REXO1: variants seen among roughly 807,000 people sequenced by gnomAD.
REXO1 encodes REX1, RNA exonuclease 1 homolog.
A neutral mutation model predicts 102.6 loss-of-function variants in REXO1; 42 were observed. The observed-to-expected ratio is 0.41, with a 90% CI of 0.32 to 0.53. The LOEUF is 0.53. REXO1 is among the 20% of genes least tolerant of loss of function. REXO1 has a pLI of 0.27. For synonymous variants in REXO1, 908 were observed against 779.1 expected (o/e 1.17, Z -2.76); for missense variants, 1,819 against 1,732.5 (o/e 1.05, Z -0.89).
rs1428517453 is a variant in REXO1, at chr19:1,815,873, G to C, written c.*193C>G. On this transcript the variant is annotated 3_prime_UTR_variant, in exon 16 of 16. Transcript: ENST00000170168. The surrounding 1 kb of genome is among the most constrained non-coding windows in gnomAD (Gnocchi z 4.0). ...GCTGGGGGGCAGAGGGTGGGGACCG[G>C]CGGAGGGGTGCGGCAGGACGTGAGC... 1.3e-6 allele frequency: 2 copies of C among 1,525,190 alleles called. No homozygotes were observed. The highest frequency in any genetic ancestry group is 2.8e-5 in the African/African-American group (2 of 72,634). The allele number at this position is 1,525,190 out of a possible 1,614,324, so 94.5% of individuals were successfully genotyped here.
rs1353368306 is a variant in REXO1 at position 1,816,031 on chromosome 19, G to A, written c.*35C>T. On this transcript the variant is annotated 3_prime_UTR_variant, in exon 16 of 16. Transcript: ENST00000170168. ...GAGGCATGGGGCTAAGGACCAGCGG[G>A]ACGGCAGGAGAGGCGGGTGGGAGGC... The A allele has an allele frequency of 6.5e-7, 1 of 1,540,876 alleles. No individual in the cohort carries two copies. The highest frequency in any genetic ancestry group is 8.7e-7 in the Non-Finnish European group (1 of 1,147,314).
At chr19:1,821,921 G>A (rs755801875) in intron 4 of REXO1, 65 of 573,316 alleles carry the variant, frequency 1.1e-4, no homozygotes, top group Admixed American at 2.4e-4. Context: ...ACACGTCACC[G>A]GTGGGGTGGT....
chr19:1,846,500 C>CG (rs1364545295), intron 1 of REXO1, among the ~76,000 whole-genome samples: 1 of 152,140 alleles, frequency 6.6e-6, no homozygotes, highest in Admixed American at 6.5e-5. Flanking sequence ...CCCATAGGAA[C>CG]GGGGGGCAGA....
At chr19:1,828,742 C>T (rs2069822789) in intron 1 of REXO1, 111 bp from the exon 2 acceptor site, 9 of 1,351,366 alleles carry the variant, frequency 6.7e-6, no homozygotes, top group Non-Finnish European at 7.9e-6. Flanking sequence ...GCCTCCGAAA[C>T]CCACCACGCA....
intron 1 of REXO1, among the ~76,000 whole-genome samples, chr19:1,829,782 T>C (rs533146832): frequency 6.6e-6 from 1 of 152,244 alleles, no homozygotes; most frequent in African/African-American, 2.4e-5. Flanking sequence ...CACTCCAGCC[T>C]GCGCGACAAG....
At chr19:1,817,663 G>T in intron 11 of REXO1, 44 bp downstream of exon 11, 1 of 1,583,836 alleles carries the variant, frequency 6.3e-7, no homozygotes, top group Non-Finnish European at 8.6e-7. Flanking sequence ...GGAGGCAGAA[G>T]TCTGTTGAGA....
Position 1,818,693 on chromosome 19 carries a change from G to A in REXO1, c.2902+13C>T, listed in dbSNP as rs1227912747. On this transcript the variant is annotated intron_variant, in intron 9 of 15. Transcript: ENST00000170168. ...CACCTGCCCACCTAGGCCGTCGCAG[G>A]CCAGCGACTCACAGTCCTTGGGCCT... 6.8e-6 allele frequency: 11 copies of A among 1,610,208 alleles called. No homozygotes were observed. Among genetic ancestry groups the A allele is most frequent in the Non-Finnish European group, 9.3e-6 (11 of 1,179,528 alleles).
In REXO1 at chr19:1,845,817, G is replaced by A. The variant is rs1034339102; in HGVS notation, c.157+2385C>T. On this transcript the variant is annotated intron_variant, in intron 1 of 15. Coordinates refer to ENST00000170168, the MANE Select transcript of REXO1 (RefSeq NM_020695.4). Reference sequence around the variant, plus strand: ...GAGCACCAGCCACCTTCCTGTTCCCGTCGCAGCTCCGCCAAGCCTCCCAAC... The same window carrying A: ...GAGCACCAGCCACCTTCCTGTTCCCATCGCAGCTCCGCCAAGCCTCCCAAC... Among the ~76,000 whole-genome samples, 9 of 152,258 alleles carry A rather than the reference G, an allele frequency of 5.9e-5. No homozygotes were observed. In the South Asian group the frequency reaches 1.0e-3, roughly 18 times the overall value.
At chr19:1,825,550 A>G (rs1449202159) in intron 3 of REXO1, among the ~76,000 whole-genome samples, 1 of 150,910 alleles carries the variant, frequency 6.6e-6, no homozygotes, top group Admixed American at 6.6e-5. Context: ...ATCTTGGCTC[A>G]CTGTAACCTC....
At position 1,820,331 on chromosome 19, in the gene REXO1, C is replaced by T; in HGVS notation, c.2459G>A (p.Arg820His). ...CTCCTCGATGAACAGGTTGAGATAG[C>T]GCTGGCGGATGACGGTGGGGACTTT... is the stretch of plus-strand genomic sequence containing the variant. The part of the protein sequence containing the change: ...GGKVPTVIRQ[R>H]YLNLFIEECL... The change falls in exon 6 of 16, where the codon CGC (arginine) becomes CAC (histidine). Residue 820 changes from arginine to histidine, a missense_variant. By Grantham distance (29) the Arg-to-His change is conservative (BLOSUM62 0). Coordinates refer to ENST00000170168, the MANE Select transcript of REXO1 (RefSeq NM_020695.4). 1 of 1,613,924 alleles carries T rather than the reference C, an allele frequency of 6.2e-7. No homozygotes were observed. The highest frequency in any genetic ancestry group is 8.5e-7 in the Non-Finnish European group (1 of 1,179,978).
chr19:1,840,522 G>A (rs892327861), intron 1 of REXO1, among the ~76,000 whole-genome samples: 1 of 152,040 alleles, frequency 6.6e-6, no homozygotes. Flanking sequence ...GGCTTTCCTC[G>A]AGCTGTCTCC....
At chr19:1,839,643 A>G (rs1188621785) in intron 1 of REXO1, among the ~76,000 whole-genome samples, 1 of 152,226 alleles carries the variant, frequency 6.6e-6, no homozygotes, top group Non-Finnish European at 1.5e-5. Context: ...TCATTCCTCC[A>G]GCACATGTTC....
intron 7 of REXO1, 62 bp downstream of exon 7, chr19:1,819,872 C>T: frequency 6.8e-7 from 1 of 1,479,686 alleles, no homozygotes; most frequent in Non-Finnish European, 9.0e-7. Context: ...AGCGAGGGTC[C>T]CAGCCCAGCT....
rs376688347 is a variant in REXO1, at chr19:1,816,812, G to C, written c.3203C>G (p.Ser1068Cys). ...CAGCTCCAGGCCATATGTGGTGTAG[G>C]ACTGCGGGCAAGGGATGCACCTCAG... Reference protein sequence around the residue: ...PGIYALDCEMSYTTYGLELTR... With the variant: ...PGIYALDCEMCYTTYGLELTR... Residue 1068 changes from serine (S) to cysteine (C), a missense_variant and splice_region_variant, in exon 13 of 16, where the codon TCC (serine) becomes TGC (cysteine). Ser to Cys is a moderately radical substitution (Grantham distance 112). Coordinates refer to ENST00000170168, the MANE Select transcript of REXO1 (RefSeq NM_020695.4). 4.9e-5 allele frequency: 79 copies of C among 1,610,354 alleles called. 1 individual carries two copies. Among genetic ancestry groups the C allele is most frequent in the Non-Finnish European group, 6.6e-5 (78 of 1,178,030 alleles).
At chr19:1,835,615 C>T (rs888105085) in intron 1 of REXO1, among the ~76,000 whole-genome samples, 3 of 152,176 alleles carry the variant, frequency 2.0e-5, no homozygotes, top group Non-Finnish European at 2.9e-5. Flanking sequence ...AGGAGGGGCC[C>T]GTCCAGGCCC....
chr19:1,821,767 G>A, intron 4 of REXO1, 85 bp from the exon 5 acceptor site: 2 of 1,299,592 alleles, frequency 1.5e-6, no homozygotes, highest in South Asian at 2.7e-5. Flanking sequence ...CGGCCGCTCA[G>A]CGCCAGCAGC....
At chr19:1,836,183 G>A (rs148313695) in intron 1 of REXO1, among the ~76,000 whole-genome samples, 1 of 152,300 alleles carries the variant, frequency 6.6e-6, no homozygotes, top group Non-Finnish European at 1.5e-5. Flanking sequence ...CAGCTGTCCT[G>A]TCCCCAGCAA....
Position 1,823,622 on chromosome 19 carries a change from G to T in REXO1, c.2180C>A (p.Pro727His). The T allele has an allele frequency of 7.6e-7, 1 of 1,321,140 alleles. No homozygotes were observed. The highest frequency in any genetic ancestry group is 9.7e-7 in the Non-Finnish European group (1 of 1,026,724). 81.8% of individuals were successfully genotyped at this position (1,321,140 alleles called of 1,614,324 possible). A position where few individuals can be genotyped will look rare whatever the true frequency, so the allele number is the denominator to read the frequency against. Residue 727 changes from proline (P) to histidine (H), a missense_variant, in exon 4 of 16, where the codon CCT (proline) becomes CAT (histidine). Transcript: ENST00000170168. ...GTGGGCGATCCTCCTCTTCTCGCCA[G>T]GGGCGGAAATGTGGACGGAGGGCGA... ...EKSPSVHISA[P>H]GEKRRIAHIP...
chr19:1,846,921 AGTCTGGT>A (rs2011567884), intron 1 of REXO1, among the ~76,000 whole-genome samples: 1 of 152,132 alleles, frequency 6.6e-6, no homozygotes, highest in South Asian at 2.1e-4. Flanking sequence ...GAGCATCGTG[AGTCTGGT>A]GTCACAGCCT....
Sources: allele counts gnomAD v4.1 joint callset (sites outside exome capture counted in the v4.1 genomes callset), GRCh38; gene constraint gnomAD v4.1.1; non-coding constraint Gnocchi (gnomAD v3.1); transcripts MANE v1.5; gene names NCBI Gene and HGNC (gene_info 2026-07-23, HGNC 2026-07-21).